The following B3GALT1 variants were observed in gnomAD, a reference collection of about 807,000 sequenced individuals.
B3GALT1 encodes UDP-Gal:betaGlcNAc beta 1,3-galactosyltransferase, polypeptide 1.
In B3GALT1, 10 loss-of-function variants were observed where a neutral mutation model predicts 23.2. The ratio of observed to expected loss-of-function variants is 0.43; its 90% CI spans 0.27 to 0.73. B3GALT1 has a LOEUF of 0.73. Among genes scored for constraint, B3GALT1 ranks in the 30% least tolerant of loss-of-function variants. B3GALT1 has a pLI of 0.21. For missense variants in B3GALT1, 299 were observed against 405.4 expected (o/e 0.74, Z 2.25); for synonymous variants, 156 against 141.5 (o/e 1.10, Z -0.73).
At chr2:167,759,974 TA>T (rs1687876176) in intron 3 of B3GALT1, among the ~76,000 whole-genome samples, 6 of 152,156 alleles carry the variant, frequency 3.9e-5, no homozygotes, top group Admixed American at 3.9e-4. Flanking sequence ...AGGGAAAGCA[TA>T]GAATGAAAAA....
At chr2:167,805,440 G>A (rs949240036) in intron 3 of B3GALT1, among the ~76,000 whole-genome samples, 14 of 152,072 alleles carry the variant, frequency 9.2e-5, no homozygotes, top group African/African-American at 3.4e-4. Flanking sequence ...ATGTTTTCTT[G>A]TAGGGTTTTT....
At chr2:167,709,666 G>T (rs1390630806) in intron 3 of B3GALT1, among the ~76,000 whole-genome samples, 1 of 152,100 alleles carries the variant, frequency 6.6e-6, no homozygotes, top group African/African-American at 2.4e-5. Flanking sequence ...GAACAGCTGG[G>T]TTCACACATT....
At chr2:167,523,597 G>C (rs1330555218) in intron 2 of B3GALT1, among the ~76,000 whole-genome samples, 1 of 151,982 alleles carries the variant, frequency 6.6e-6, no homozygotes, top group African/African-American at 2.4e-5. Flanking sequence ...AGCTAATTTT[G>C]TATTTTTAGT....
At chr2:167,560,962 G>T (rs1683973432) in intron 2 of B3GALT1, among the ~76,000 whole-genome samples, 1 of 151,672 alleles carries the variant, frequency 6.6e-6, no homozygotes, top group East Asian at 1.9e-4. Flanking sequence ...GGACCTAATA[G>T]ACATCTACAG....
At chr2:167,494,857 A>G (rs531105154) in intron 2 of B3GALT1, among the ~76,000 whole-genome samples, 7 of 152,252 alleles carry the variant, frequency 4.6e-5, no homozygotes, top group South Asian at 4.1e-4. Flanking sequence ...CTTTCTTACA[A>G]AAGCTAGACA....
Position 167,819,777 on chromosome 2 carries a change from A to G in B3GALT1, c.-230+984A>G, listed in dbSNP as rs79594570. Among the ~76,000 whole-genome samples, 273 of 152,218 alleles carry G rather than the reference A, an allele frequency of 1.8e-3. 1 individual carries two copies. The highest frequency in any genetic ancestry group is 6.3e-3 in the African/African-American group (261 of 41,540). ...TTTTTCCAAAAGCAAGTTCAACAAA[A>G]CTCCAATTCACCAAATGCCTCTCTC... On this transcript the variant is annotated intron_variant, in intron 4 of 4. Coordinates refer to ENST00000392690, the MANE Select transcript of B3GALT1 (RefSeq NM_020981.4).
rs1455128718 is a variant in B3GALT1, at chr2:167,870,318, A to T, written c.*298A>T. 1 of 251,714 alleles carries T rather than the reference A, an allele frequency of 4.0e-6. No homozygotes were observed. The highest frequency in any genetic ancestry group is 8.1e-6 in the Non-Finnish European group (1 of 123,202). 15.6% of individuals were successfully genotyped at this position (251,714 alleles called of 1,614,324 possible). ...TGACGTACCGTGCATCTGAGATAAA[A>T]ATTTGGTTCTGGGAAACTGAAACTC... On this transcript the variant is annotated 3_prime_UTR_variant, in exon 5 of 5. Transcript: ENST00000392690.
intron 2 of B3GALT1, among the ~76,000 whole-genome samples, chr2:167,564,242 C>T (rs1395813904): frequency 6.7e-5 from 10 of 149,182 alleles, no homozygotes; most frequent in Middle Eastern, 7.4e-3. Context: ...AGGGCAGAGG[C>T]GCTCCCCACA....
intron 2 of B3GALT1, among the ~76,000 whole-genome samples, chr2:167,546,234 G>A (rs2105377062): frequency 6.6e-6 from 1 of 152,266 alleles, no homozygotes; most frequent in South Asian, 2.1e-4. Flanking sequence ...ATCCTGGATG[G>A]TATTGCCCTC....
At chr2:167,616,772 T>G (rs1574170314) in intron 2 of B3GALT1, among the ~76,000 whole-genome samples, 1 of 152,124 alleles carries the variant, frequency 6.6e-6, no homozygotes, top group Non-Finnish European at 1.5e-5. Flanking sequence ...GGAATCTTTA[T>G]TTCTCCCTGT....
intron 1 of B3GALT1, among the ~76,000 whole-genome samples, chr2:167,369,685 T>A (rs1356379375): frequency 6.6e-6 from 1 of 152,140 alleles, no homozygotes; most frequent in African/African-American, 2.4e-5. Flanking sequence ...CTAGGGTGAT[T>A]TTGCAGGTCC....
rs151272821 is a variant in B3GALT1, at chr2:167,486,704, G to T, written c.-510-3473G>T. ...CTGCACTCCAGCCTGGTGAAAGAGT[G>T]AGAACAAATTAAAAAAATTTAAAAC... On this transcript the variant is annotated intron_variant, in intron 1 of 4. Coordinates refer to ENST00000392690, the MANE Select transcript of B3GALT1 (RefSeq NM_020981.4). 2.4e-3 allele frequency among the ~76,000 whole-genome samples: 370 copies of T among 152,260 alleles called. 1 individual carries two copies. Among genetic ancestry groups the T allele is most frequent in the Non-Finnish European group, 3.9e-3 (268 of 68,020 alleles).
At chr2:167,329,644 G>A (rs968914887) in intron 1 of B3GALT1, among the ~76,000 whole-genome samples, 1 of 152,108 alleles carries the variant, frequency 6.6e-6, no homozygotes. Flanking sequence ...TCTGGGCGCT[G>A]CAATTTTGGA....
chr2:167,296,598 A>G (rs146958172), intron 1 of B3GALT1, among the ~76,000 whole-genome samples: 1 of 152,312 alleles, frequency 6.6e-6, no homozygotes, highest in African/African-American at 2.4e-5. Context: ...TGAATGATGA[A>G]TGTGCATCAT....
At chr2:167,648,317 G>A (rs944903170) in intron 3 of B3GALT1, among the ~76,000 whole-genome samples, 1 of 151,994 alleles carries the variant, frequency 6.6e-6, no homozygotes, top group African/African-American at 2.4e-5. Flanking sequence ...CGTTGATCTA[G>A]TCCCAAGATT....
chr2:167,303,719 C>G (rs1003747995), intron 1 of B3GALT1, among the ~76,000 whole-genome samples: 1 of 151,500 alleles, frequency 6.6e-6, no homozygotes, highest in Non-Finnish European at 1.5e-5. Context: ...TACTGGAGAA[C>G]CCTAATACAA....
chr2:167,340,309 G>A (rs1263587470), intron 1 of B3GALT1, among the ~76,000 whole-genome samples: 2 of 137,608 alleles, frequency 1.5e-5, no homozygotes, highest in Non-Finnish European at 3.0e-5. Context: ...CTGTGGTACA[G>A]GGAGAAAAAA....
intron 1 of B3GALT1, among the ~76,000 whole-genome samples, chr2:167,445,262 G>T (rs1342948547): frequency 6.6e-6 from 1 of 152,174 alleles, no homozygotes; most frequent in African/African-American, 2.4e-5. Context: ...TTTTACATTT[G>T]CTGAGGAGTG....
intron 3 of B3GALT1, among the ~76,000 whole-genome samples, chr2:167,736,979 A>T (rs1281790018): frequency 6.7e-6 from 1 of 148,626 alleles, no homozygotes; most frequent in Non-Finnish European, 1.5e-5. Flanking sequence ...TCATTCTGAT[A>T]AATCCCTCTT....
Sources: allele counts gnomAD v4.1 joint callset (sites outside exome capture counted in the v4.1 genomes callset), GRCh38; gene constraint gnomAD v4.1.1; transcripts MANE v1.5; gene names NCBI Gene and HGNC (gene_info 2026-07-23, HGNC 2026-07-21).